Variants in PHLDB2 observed in about 807,000 individuals in gnomAD.
PHLDB2 encodes pleckstrin homology-like domain family B member 2.
Under a neutral mutation model 123.6 loss-of-function variants are expected in PHLDB2, and 71 were observed. The observed-to-expected ratio is 0.57, with a 90% CI of 0.47 to 0.70. PHLDB2 has a LOEUF of 0.70. Ranked by LOEUF, PHLDB2 falls within the 30% of genes least tolerant of loss-of-function variation. The pLI is 0.00. For missense variants in PHLDB2, 1,446 were observed against 1,519.5 expected (o/e 0.95, Z 0.80); for synonymous variants, 547 against 541.6 (o/e 1.01, Z -0.14).
At chr3:111,902,095 T>C (rs1189472658) in intron 2 of PHLDB2, among the ~76,000 whole-genome samples, 2 of 152,122 alleles carry the variant, frequency 1.3e-5, no homozygotes, top group Non-Finnish European at 2.9e-5. Context: ...TGATTTTAAG[T>C]AGAAAGTGCA....
rs2071769684 is a variant in PHLDB2 at position 111,966,512 on chromosome 3, TGTGTGTGTGTCTGGG to T, written c.3078-90_3078-76del. 25 of 566,950 alleles carry T rather than the reference TGTGTGTGTGTCTGGG, an allele frequency of 4.4e-5. No individual in the cohort carries two copies. In the East Asian group the frequency reaches 5.9e-4, roughly 13 times the overall value. 35.1% of individuals were successfully genotyped at this position (566,950 alleles called of 1,614,324 possible). A position where few individuals can be genotyped will look rare whatever the true frequency, so the allele number is the denominator to read the frequency against. On this transcript the variant is annotated intron_variant, in intron 13 of 17. Coordinates refer to ENST00000431670, the MANE Select transcript of PHLDB2 (RefSeq NM_001134438.2). Reference sequence around the variant, plus strand: ...CCTCCCTTGACCCCATGTGTGTGTGTGTGTGTGTGTCTGGGGTGTGTGTGTGTGTGTGTGTGTATG... The same window carrying T: ...CCTCCCTTGACCCCATGTGTGTGTGTGTGTGTGTGTGTGTGTGTGTGTATG...
intron 12 of PHLDB2, 156 bp from the exon 13 acceptor site, chr3:111,961,952 T>G: frequency 1.4e-6 from 1 of 690,570 alleles, no homozygotes; most frequent in Non-Finnish European, 2.4e-6. Flanking sequence ...CTGAGCACGG[T>G]GCTCTTTCTT....
chr3:111,898,096 A>T (rs1268120445), intron 2 of PHLDB2, among the ~76,000 whole-genome samples: 1 of 151,854 alleles, frequency 6.6e-6, no homozygotes, highest in Non-Finnish European at 1.5e-5. Context: ...TTTTGTCTTG[A>T]TGTTGATGGC....
chr3:111,864,854 T>A (rs2064992777), intron 1 of PHLDB2, among the ~76,000 whole-genome samples: 1 of 152,250 alleles, frequency 6.6e-6, no homozygotes, highest in Non-Finnish European at 1.5e-5. Flanking sequence ...CCAGGTCAGC[T>A]TTTTCTGAGA....
intron 1 of PHLDB2, among the ~76,000 whole-genome samples, chr3:111,819,336 A>G (rs2062256388): frequency 6.6e-6 from 1 of 152,212 alleles, no homozygotes; most frequent in Non-Finnish European, 1.5e-5. Context: ...TCAAACATGT[A>G]GAATTGTAAC....
chr3:111,903,357 G>A (rs1166499414), intron 2 of PHLDB2, among the ~76,000 whole-genome samples: 2 of 152,142 alleles, frequency 1.3e-5, no homozygotes, highest in Non-Finnish European at 1.5e-5. Context: ...CTCTGTAGTG[G>A]TGAGCGTGGG....
chr3:111,882,726 A>C (rs1182798039), intron 1 of PHLDB2, among the ~76,000 whole-genome samples: 2 of 152,202 alleles, frequency 1.3e-5, no homozygotes, highest in Admixed American at 1.3e-4. Context: ...TGGATAAAGA[A>C]GCAGCTCTTT....
intron 2 of PHLDB2, among the ~76,000 whole-genome samples, chr3:111,906,872 G>A (rs377703301): frequency 2.6e-5 from 4 of 152,110 alleles, no homozygotes; most frequent in Non-Finnish European, 5.9e-5. Context: ...GATGGTGCAC[G>A]CATACATGCA....
chr3:111,826,021 G>T (rs2062637382), intron 1 of PHLDB2, among the ~76,000 whole-genome samples: 1 of 151,354 alleles, frequency 6.6e-6, no homozygotes. Context: ...TTATTATTAG[G>T]CCGAGCATGG....
chr3:111,738,977 G>A lies in PHLDB2; in HGVS notation c.-49+6274G>A, dbSNP rs550711472. Among the ~76,000 whole-genome samples, 9 of 152,194 alleles carry A rather than the reference G, an allele frequency of 5.9e-5. No individual in the cohort carries two copies. In the East Asian group the frequency reaches 1.7e-3, roughly 29 times the overall value. On this transcript the variant is annotated intron_variant, in intron 1 of 17. Coordinates refer to the PHLDB2 transcript ENST00000393923. The stretch of plus-strand genomic sequence containing the variant: ...TACACACACCAACAGGGCAACTCTG[G>A]GCAAGTCACTTCGGCTTTCGTGGCC...
At chr3:111,800,412 G>A (rs1469350996) in intron 1 of PHLDB2, among the ~76,000 whole-genome samples, 1 of 152,080 alleles carries the variant, frequency 6.6e-6, no homozygotes, top group Non-Finnish European at 1.5e-5. Flanking sequence ...TAAAATTATG[G>A]AGAGGTATTA....
Position 111,859,596 on chromosome 3 carries a change from C to T in PHLDB2, c.-15+20C>T. 8 of 985,484 alleles carry T rather than the reference C, an allele frequency of 8.1e-6. No homozygotes were observed. The highest frequency in any genetic ancestry group is 9.6e-6 in the Non-Finnish European group (8 of 829,984). 61.0% of individuals were successfully genotyped at this position (985,484 alleles called of 1,614,324 possible). A position where few individuals can be genotyped will look rare whatever the true frequency, so the allele number is the denominator to read the frequency against. On this transcript the variant is annotated intron_variant, in intron 1 of 17. Coordinates refer to ENST00000431670, the MANE Select transcript of PHLDB2 (RefSeq NM_001134438.2). ...GGCCAGGTGAGGAGGCGGCGGTGGT[C>T]GCCCGGGAGGAGGGGGTGGTGCCGA... is the stretch of plus-strand genomic sequence containing the variant.
chr3:111,948,988 C>G lies in PHLDB2; in HGVS notation c.2544C>G (p.Ser848=), dbSNP rs2070515337. The G allele has an allele frequency of 2.5e-6, 4 of 1,613,840 alleles. No individual in the cohort carries two copies. In the South Asian group the frequency reaches 3.3e-5, roughly 13 times the overall value. Residue 848 remains serine (S), a synonymous_variant, in exon 10 of 18, where the codon TCC becomes TCG. Coordinates refer to ENST00000431670, the MANE Select transcript of PHLDB2 (RefSeq NM_001134438.2). ...CGTGTGGCAATTCCACGAATCTATC[C>G]CCTTCCACTCAGTTTCCTGCTGATG... is the stretch of plus-strand genomic sequence containing the variant. The part of the protein sequence containing the change: ...NEPCGNSTNL[S]PSTQFPADAD...
intron 1 of PHLDB2, among the ~76,000 whole-genome samples, chr3:111,756,773 G>C (rs1464988325): frequency 6.6e-6 from 1 of 152,200 alleles, no homozygotes; most frequent in African/African-American, 2.4e-5. Flanking sequence ...GCATGATTTT[G>C]CAGTGGCTGG....
intron 9 of PHLDB2, among the ~76,000 whole-genome samples, chr3:111,946,934 A>G (rs1179329275): frequency 1.3e-5 from 2 of 152,204 alleles, no homozygotes; most frequent in Admixed American, 1.3e-4. Flanking sequence ...AGAAGGAGTT[A>G]GCTGGATTAG....
At chr3:111,902,790 C>T (rs751446943) in intron 2 of PHLDB2, among the ~76,000 whole-genome samples, 13 of 152,174 alleles carry the variant, frequency 8.5e-5, no homozygotes, top group Admixed American at 3.9e-4. Context: ...AGGCGTGAGC[C>T]ACCATGCTCA....
At chr3:111,923,029 A>G (rs915074700) in intron 5 of PHLDB2, among the ~76,000 whole-genome samples, 20 of 152,166 alleles carry the variant, frequency 1.3e-4, no homozygotes, top group African/African-American at 4.8e-4. Context: ...TTTTAAAATA[A>G]ATTACTACTT....
chr3:111,956,934 T>A (rs1481969919), intron 12 of PHLDB2: 1 of 152,250 alleles, frequency 6.6e-6, no homozygotes, highest in Non-Finnish European at 1.5e-5. Context: ...TAACTCACAT[T>A]TAGTAGACTT....
At chr3:111,830,946 A>G (rs12487062) in intron 1 of PHLDB2, among the ~76,000 whole-genome samples, 5,850 of 99,696 alleles carry the variant, frequency 0.059, 422 homozygotes, top group Admixed American at 0.065. Flanking sequence ...AAAGAAGGAA[A>G]GAAAGAAAGA....
Sources: gnomAD v4.1 joint callset for allele counts (sites outside exome capture counted in the v4.1 genomes callset) on GRCh38, gnomAD v4.1.1 for gene constraint, MANE v1.5 for transcripts, NCBI Gene and HGNC (gene_info 2026-07-23, HGNC 2026-07-21) for gene names.